Variants in POR observed in about 807,000 individuals in gnomAD.
The protein encoded by POR is NADPH--cytochrome P450 reductase.
A neutral mutation model predicts 84.0 loss-of-function variants in POR; 56 were observed. The observed-to-expected ratio is 0.67, with a 90% CI of 0.54 to 0.83. The LOEUF is 0.83. Among genes scored for constraint, POR ranks in the 40% least tolerant of loss-of-function variants. The pLI, the probability that POR is intolerant of heterozygous loss-of-function variation, is 0.00. For synonymous variants in POR, 414 were observed against 400.5 expected (o/e 1.03, Z -0.40); for missense variants, 938 against 944.3 (o/e 0.99, Z 0.09).
intron 1 of POR, among the ~76,000 whole-genome samples, chr7:75,938,236 G>C (rs1010800974): frequency 6.6e-6 from 1 of 152,160 alleles, no homozygotes; most frequent in Admixed American, 6.5e-5. Flanking sequence ...GGGAGCGTTT[G>C]GCCATGGCCA....
chr7:75,945,429 A>G (rs1459296181), intron 1 of POR: 1 of 152,256 alleles, frequency 6.6e-6, no homozygotes, highest in Non-Finnish European at 1.5e-5. Context: ...ATCTCAGTAC[A>G]GATAATAAAC....
intron 1 of POR, chr7:75,922,719 G>A (rs1442107410): frequency 2.9e-6 from 1 of 343,326 alleles, no homozygotes; most frequent in Non-Finnish European, 5.5e-6. Flanking sequence ...GTCAGTGGTG[G>A]GGTTGCGCAT....
intron 1 of POR, among the ~76,000 whole-genome samples, chr7:75,916,896 G>T (rs565311658): frequency 2.0e-5 from 3 of 152,070 alleles, no homozygotes; most frequent in Non-Finnish European, 4.4e-5. Flanking sequence ...CCTGCTGTTG[G>T]TTAACTCTGG....
chr7:75,931,640 A>AT lies in POR; in HGVS notation c.-5+16463dup, dbSNP rs1554550156. ...CGCCTTGGTCTCCCAAAGTGCTGGG[A>AT]TTACAGGTGTGAGCCTCCGCACCTG... On this transcript the variant is annotated intron_variant, in intron 1 of 15. Transcript: ENST00000461988. Among the ~76,000 whole-genome samples, 5 of 152,108 alleles carry AT rather than the reference A, an allele frequency of 3.3e-5. No homozygotes were observed. In the South Asian group the frequency reaches 1.0e-3, roughly 31 times the overall value.
At chr7:75,955,147 T>C (rs543306090) in intron 2 of POR, among the ~76,000 whole-genome samples, 3 of 152,182 alleles carry the variant, frequency 2.0e-5, no homozygotes, top group Non-Finnish European at 4.4e-5. Context: ...CAGCCTAGAA[T>C]TGGCATTTTA....
At position 75,972,433 on chromosome 7, in the gene POR, G is replaced by A. The variant is rs782242915; in HGVS notation, c.209G>A (p.Ser70Asn). Residue 70 changes from serine (S) to asparagine (N), a missense_variant, in exon 3 of 16, where the codon AGC becomes AAC. By Grantham distance (46) the Ser-to-Asn change is conservative. Coordinates refer to ENST00000461988, the MANE Select transcript of POR (RefSeq NM_000941.3). ...TGCAGGACCTCCTCTGTCAGAGAGA[G>A]CAGCTTTGTGGAAAAGATGAAGAAA... is the stretch of plus-strand genomic sequence containing the variant. 1.9e-5 allele frequency: 30 copies of A among 1,609,876 alleles called. No individual in the cohort carries two copies. Among genetic ancestry groups the A allele is most frequent in the Non-Finnish European group, 2.5e-5 (30 of 1,178,234 alleles).
At chr7:75,928,091 C>A (rs113599839) in intron 1 of POR, among the ~76,000 whole-genome samples, 22,080 of 151,256 alleles carry the variant, frequency 0.15, 2,089 homozygotes, top group Non-Finnish European at 0.21. Context: ...CCTGCCTCAG[C>A]CTCCCAAGTA....
chr7:75,950,539 CCTGA>C (rs1340146532), intron 1 of POR, among the ~76,000 whole-genome samples: 1 of 152,094 alleles, frequency 6.6e-6, no homozygotes, highest in Non-Finnish European at 1.5e-5. Flanking sequence ...CCAGTGGGGC[CCTGA>C]CTGTCTGCTG....
At position 75,971,647 on chromosome 7, in the gene POR, G is replaced by A. The variant is rs550664627; in HGVS notation, c.189-766G>A. Among the ~76,000 whole-genome samples, 7 of 152,240 alleles carry A rather than the reference G, an allele frequency of 4.6e-5. No homozygotes were observed. In the South Asian group the frequency reaches 1.2e-3, roughly 27 times the overall value. ...AGGTGAGGGCTGTAGTCCCAGGAAC[G>A]CAGAGAAGGGAAAAATGAAATGTGG... is the stretch of plus-strand genomic sequence containing the variant. On this transcript the variant is annotated intron_variant, in intron 2 of 15. Coordinates refer to ENST00000461988, the MANE Select transcript of POR (RefSeq NM_000941.3).
At chr7:75,984,992 G>A (rs72557934) in intron 11 of POR, 34 bp downstream of exon 11, 198 of 1,574,628 alleles carry the variant, frequency 1.3e-4, no homozygotes, top group African/African-American at 7.7e-4. Context: ...CCTCCGCCCC[G>A]TCACCCCGCC....
intron 1 of POR, among the ~76,000 whole-genome samples, chr7:75,946,589 T>C (rs1585099342): frequency 6.6e-6 from 1 of 152,170 alleles, no homozygotes; most frequent in African/African-American, 2.4e-5. Context: ...CACCCAGCTC[T>C]GTACCTAATT....
At chr7:75,919,667 C>T (rs1434385915) in intron 1 of POR, among the ~76,000 whole-genome samples, 1 of 152,138 alleles carries the variant, frequency 6.6e-6, no homozygotes, top group African/African-American at 2.4e-5. Flanking sequence ...GCTGGGATTA[C>T]AGGCATGAGC....
rs1008955720 is a variant in POR, at chr7:75,979,901, G to A, written c.366+322G>A. 3 of 378,626 alleles carry A rather than the reference G, an allele frequency of 7.9e-6. No homozygotes were observed. The East Asian group carries it at 1.7e-4, about 21-fold the overall frequency. 23.5% of individuals were successfully genotyped at this position (378,626 alleles called of 1,614,324 possible). On this transcript the variant is annotated intron_variant, in intron 4 of 15. Transcript: ENST00000461988. ...CAGCTGCTCCACTCCCCTCTCCTTC[G>A]AGGTCTTGGTGACGGGCACTACCCC...
chr7:75,928,120 C>T (rs1554549762), intron 1 of POR, among the ~76,000 whole-genome samples: 1 of 151,634 alleles, frequency 6.6e-6, no homozygotes, highest in Non-Finnish European at 1.5e-5. Flanking sequence ...TACAGGCACA[C>T]ACTGCCATAC....
At chr7:75,982,585 G>A (rs1554558275) in intron 8 of POR, among the ~76,000 whole-genome samples, 1 of 152,228 alleles carries the variant, frequency 6.6e-6, no homozygotes, top group East Asian at 1.9e-4. Context: ...CTAGGACAGT[G>A]CATTGGCCTC....
intron 1 of POR, among the ~76,000 whole-genome samples, chr7:75,922,524 C>T (rs1554548975): frequency 6.6e-6 from 1 of 151,968 alleles, no homozygotes; most frequent in African/African-American, 2.4e-5. Flanking sequence ...GGGGTTTCAC[C>T]ATGTTGCCCA....
At chr7:75,977,363 G>A (rs1788742593) in intron 3 of POR, among the ~76,000 whole-genome samples, 2 of 152,180 alleles carry the variant, frequency 1.3e-5, no homozygotes, top group South Asian at 2.1e-4. Context: ...TTGAGTTCAG[G>A]ACACACCACG....
chr7:75,938,774 C>T (rs1403732850), intron 1 of POR, among the ~76,000 whole-genome samples: 1 of 152,130 alleles, frequency 6.6e-6, no homozygotes, highest in African/African-American at 2.4e-5. Flanking sequence ...GAATGCTTAT[C>T]TCTTATTCGC....
intron 1 of POR, among the ~76,000 whole-genome samples, chr7:75,929,549 C>T (rs1260544268): frequency 6.6e-6 from 1 of 152,160 alleles, no homozygotes; most frequent in Non-Finnish European, 1.5e-5. Flanking sequence ...CCACCGCGCC[C>T]GGCCTCAATA....
Sources: gnomAD v4.1 joint callset for allele counts (sites outside exome capture counted in the v4.1 genomes callset) on GRCh38, gnomAD v4.1.1 for gene constraint, MANE v1.5 for transcripts, NCBI Gene and HGNC (gene_info 2026-07-23, HGNC 2026-07-21) for gene names.